Variants in STK32B observed in about 807,000 individuals in gnomAD.
STK32B encodes serine/threonine kinase 32B.
A neutral mutation model predicts 52.6 loss-of-function variants in STK32B; 43 were observed. That is an observed-to-expected ratio of 0.82 (90% CI 0.64 to 1.05). The LOEUF (loss-of-function observed/expected upper bound fraction) is 1.05. Among genes scored for constraint, STK32B ranks in the 50% least tolerant of loss-of-function variants. The pLI is 0.00. For synonymous variants in STK32B, 238 were observed against 204.3 expected (o/e 1.17, Z -1.41); for missense variants, 621 against 534.6 (o/e 1.16, Z -1.59).
At chr4:5,389,462 T>C (rs1160897725) in intron 4 of STK32B, among the ~76,000 whole-genome samples, 1 of 152,130 alleles carries the variant, frequency 6.6e-6, no homozygotes, top group Non-Finnish European at 1.5e-5. Context: ...TTCTTGCTGC[T>C]CTTCACAAGA....
chr4:5,030,906 T>C, the STK32B span, among the ~76,000 whole-genome samples: 1 of 152,212 alleles, frequency 6.6e-6, no homozygotes, highest in South Asian at 2.1e-4. Context: ...CACACATCTA[T>C]ACATATACAT....
intron 2 of STK32B, among the ~76,000 whole-genome samples, chr4:5,150,321 T>TA (rs1215949586): frequency 6.6e-6 from 1 of 152,170 alleles, no homozygotes; most frequent in African/African-American, 2.4e-5. Flanking sequence ...TTATTGTCCT[T>TA]ATGCTAATTA....
At position 5,500,698 on chromosome 4, in the gene STK32B, TCAACCGAGACTA is replaced by T. The variant is rs1720659607; in HGVS notation, c.*1616_*1627del. ...AGAAATAGTCAGTGTTTTCCTCCTT[TCAACCGAGACTA>T]TTTCTGGATTGTGTGCTCCTCGTCA... On this transcript the variant is annotated 3_prime_UTR_variant, in exon 12 of 12. Coordinates refer to ENST00000282908, the MANE Select transcript of STK32B (RefSeq NM_018401.3). The T allele has an allele frequency of 6.6e-6, 1 of 152,256 alleles. No homozygotes were observed. The highest frequency in any genetic ancestry group is 1.5e-5 in the Non-Finnish European group (1 of 68,052). 9.4% of individuals were successfully genotyped at this position (152,256 alleles called of 1,614,324 possible). A position where few individuals can be genotyped will look rare whatever the true frequency, so the allele number is the denominator to read the frequency against.
At chr4:5,064,823 A>T (rs555799412) in intron 1 of STK32B, among the ~76,000 whole-genome samples, 7 of 140,886 alleles carry the variant, frequency 5.0e-5, no homozygotes, top group African/African-American at 1.6e-4. Context: ...TATATAATAT[A>T]TAAATATATA....
chr4:5,264,979 T>C (rs1163300769), intron 3 of STK32B, among the ~76,000 whole-genome samples: 1 of 152,188 alleles, frequency 6.6e-6, no homozygotes, highest in African/African-American at 2.4e-5. Flanking sequence ...TTTATGTTCA[T>C]TGCTTCCTAT....
chr4:5,232,220 G>T (rs553006641), intron 3 of STK32B, among the ~76,000 whole-genome samples: 6 of 152,196 alleles, frequency 3.9e-5, no homozygotes, highest in African/African-American at 1.4e-4. Context: ...GGAAATCGAT[G>T]ATAGTCTATT....
chr4:5,280,022 T>A (rs1283439569), intron 3 of STK32B, among the ~76,000 whole-genome samples: 1 of 152,202 alleles, frequency 6.6e-6, no homozygotes, highest in Non-Finnish European at 1.5e-5. Flanking sequence ...TGGAGGCATT[T>A]TCCTCATTAT....
chr4:5,094,212 A>G (rs920110020), intron 1 of STK32B, among the ~76,000 whole-genome samples: 6 of 152,218 alleles, frequency 3.9e-5, no homozygotes, highest in Admixed American at 1.3e-4. Flanking sequence ...AAGCAAAAGG[A>G]AGGCGAAGGA....
chr4:5,374,080 T>C (rs1190384438), intron 4 of STK32B, among the ~76,000 whole-genome samples: 1 of 152,112 alleles, frequency 6.6e-6, no homozygotes, highest in East Asian at 1.9e-4. Context: ...GAGAAGGCCA[T>C]GTGAAATGGA....
intron 4 of STK32B, among the ~76,000 whole-genome samples, chr4:5,357,275 G>A (rs564974988): frequency 2.0e-4 from 30 of 149,636 alleles, no homozygotes; most frequent in African/African-American, 7.2e-4. Flanking sequence ...TCTAGACAGC[G>A]CAGTAGAAAC....
chr4:5,229,819 A>G lies in STK32B; in HGVS notation c.260+61369A>G, dbSNP rs1046981713. ...TTCATTTTTGTGTTTCTAAGTGAGT[A>G]TAAGGAAAATTATAGAATTTCAAAG... On this transcript the variant is annotated intron_variant, in intron 3 of 11. Coordinates refer to ENST00000282908, the MANE Select transcript of STK32B (RefSeq NM_018401.3). 1.1e-4 allele frequency among the ~76,000 whole-genome samples: 17 copies of G among 152,276 alleles called. 1 individual carries two copies. Among genetic ancestry groups the G allele is most frequent in the East Asian group, 5.8e-4 (3 of 5,178 alleles).
Position 5,058,192 on chromosome 4 carries a change from G to A in STK32B, c.52+6277G>A, listed in dbSNP as rs1048353512. Reference sequence around the variant, plus strand: ...TATAAATATCTCATTCTTTCAGTGCGGGACATTATCCTGTTTCAACGTGGG... The same window carrying A: ...TATAAATATCTCATTCTTTCAGTGCAGGACATTATCCTGTTTCAACGTGGG... On this transcript the variant is annotated intron_variant, in intron 1 of 11. Coordinates refer to ENST00000282908, the MANE Select transcript of STK32B (RefSeq NM_018401.3). The surrounding 1 kb of genome is among the most constrained non-coding windows in gnomAD (Gnocchi z 4.8). Among the ~76,000 whole-genome samples, 13 of 152,114 alleles carry A rather than the reference G, an allele frequency of 8.5e-5. No homozygotes were observed. The highest frequency in any genetic ancestry group is 2.7e-4 in the African/African-American group (11 of 41,418).
intron 11 of STK32B, among the ~76,000 whole-genome samples, chr4:5,495,472 T>C (rs7694403): frequency 0.03 from 4,545 of 152,272 alleles, 207 homozygotes; most frequent in African/African-American, 0.1. Context: ...TAGTTATACA[T>C]TCGTCTGAAT....
chr4:5,246,080 T>G (rs893790001), intron 3 of STK32B, among the ~76,000 whole-genome samples: 1 of 152,188 alleles, frequency 6.6e-6, no homozygotes, highest in Non-Finnish European at 1.5e-5. Context: ...GGAGTATCTT[T>G]GTGGCATTCT....
chr4:5,235,996 A>G (rs1359034091), intron 3 of STK32B, among the ~76,000 whole-genome samples: 1 of 152,102 alleles, frequency 6.6e-6, no homozygotes, highest in African/African-American at 2.4e-5. Flanking sequence ...ATTAGACTTC[A>G]GGAAAACAAG....
chr4:5,492,076 C>T (rs1415256464), intron 11 of STK32B, among the ~76,000 whole-genome samples: 1 of 151,960 alleles, frequency 6.6e-6, no homozygotes, highest in Non-Finnish European at 1.5e-5. Context: ...TTTTTTGGTT[C>T]CATATGAACT....
chr4:5,353,241 CA>C (rs1461370461), intron 4 of STK32B, among the ~76,000 whole-genome samples: 1 of 151,880 alleles, frequency 6.6e-6, no homozygotes, highest in South Asian at 2.1e-4. Context: ...TCACCATATA[CA>C]AAAAACAACT....
chr4:5,113,134 T>C (rs1714498301), intron 1 of STK32B, among the ~76,000 whole-genome samples: 1 of 151,998 alleles, frequency 6.6e-6, no homozygotes, highest in African/African-American at 2.4e-5. Context: ...TGTTAGGAGG[T>C]GGGGGCCTTT....
chr4:5,111,148 T>G (rs1399986177), intron 1 of STK32B, among the ~76,000 whole-genome samples: 1 of 152,132 alleles, frequency 6.6e-6, no homozygotes, highest in Admixed American at 6.5e-5. Flanking sequence ...AGGCAAATGC[T>G]CATACACTGT....
Sources: allele counts gnomAD v4.1 joint callset (sites outside exome capture counted in the v4.1 genomes callset), GRCh38; gene constraint gnomAD v4.1.1; non-coding constraint Gnocchi (gnomAD v3.1); transcripts MANE v1.5; gene names NCBI Gene and HGNC (gene_info 2026-07-23, HGNC 2026-07-21).